The following ASPSCR1 variants were observed in gnomAD, a reference collection of about 807,000 sequenced individuals.
ASPSCR1 encodes ASPSCR1 tether for SLC2A4, UBX domain containing.
In ASPSCR1, 55 loss-of-function variants were observed where a neutral mutation model predicts 68.9. The observed-to-expected ratio is 0.80, with a 90% CI of 0.64 to 1.00. ASPSCR1 has a LOEUF of 1.00. Among genes scored for constraint, ASPSCR1 ranks in the 50% least tolerant of loss-of-function variants. The pLI is 0.00. For synonymous variants in ASPSCR1, 352 were observed against 332.6 expected (o/e 1.06, Z -0.63); for missense variants, 765 against 762.2 (o/e 1.00, Z -0.04).
rs886247178 is a variant in ASPSCR1 at position 81,996,968 on chromosome 17, G to A, written c.933+122G>A. ...GATGCGGGCAGAGGAACCCAAACGC[G>A]CAGAGGAACCCAAACGCGGGGCTCT... On this transcript the variant is annotated intron_variant, in intron 7 of 15. Transcript: ENST00000306739. 16 of 1,500,646 alleles carry A rather than the reference G, an allele frequency of 1.1e-5. No individual in the cohort carries two copies. The South Asian group carries it at 1.1e-4, about 10-fold the overall frequency. 93.0% of individuals were successfully genotyped at this position (1,500,646 alleles called of 1,614,324 possible). A position where few individuals can be genotyped will look rare whatever the true frequency, so the allele number is the denominator to read the frequency against.
intron 9 of ASPSCR1, 114 bp downstream of exon 9, chr17:82,009,681 G>T: frequency 1.2e-6 from 1 of 816,764 alleles, no homozygotes; most frequent in Non-Finnish European, 1.9e-6. Context: ...CCCCTGTGAG[G>T]TCTGTGGACA....
chr17:82,010,335 C>T (rs903375081), intron 9 of ASPSCR1, among the ~76,000 whole-genome samples: 21 of 151,382 alleles, frequency 1.4e-4, no homozygotes, highest in East Asian at 6.0e-4. Flanking sequence ...CGAGACCATC[C>T]TGGCTGACAC....
In ASPSCR1 at chr17:82,011,554, C is replaced by A; in HGVS notation, c.1249C>A (p.Arg417=). ...FRPSETVGDL[R]DFVRSHLGNP... Reference sequence around the variant, plus strand: ...TTTCTCCTCTGCAGTGGGGGACTTGCGAGACTTCGTGAGGAGCCACCTGGG... The same window carrying A: ...TTTCTCCTCTGCAGTGGGGGACTTGAGAGACTTCGTGAGGAGCCACCTGGG... Residue 417 remains arginine (R), a synonymous_variant, in exon 11 of 16, where the codon CGA becomes AGA. Transcript: ENST00000306739. The A allele has an allele frequency of 6.3e-7, 1 of 1,579,746 alleles. No individual in the cohort carries two copies. The highest frequency in any genetic ancestry group is 8.6e-7 in the Non-Finnish European group (1 of 1,169,558).
chr17:81,997,193 C>T (rs1050345957), intron 7 of ASPSCR1, among the ~76,000 whole-genome samples: 7 of 123,256 alleles, frequency 5.7e-5, no homozygotes, highest in African/African-American at 2.4e-4. Context: ...GTGTTGGCTC[C>T]GTGATGTGTG....
chr17:82,002,504 A>G lies in ASPSCR1; in HGVS notation c.933+5658A>G, dbSNP rs144352355. On this transcript the variant is annotated intron_variant, in intron 7 of 15. Transcript: ENST00000306739. ...TCCTGACCTCAGGTGATCCACTTGC[A>G]TCGGCCTCCCAAAGTGCTGGGATTA... Among the ~76,000 whole-genome samples the G allele has an allele frequency of 1.3e-3, 200 of 150,590 alleles. 1 individual carries two copies. The highest frequency in any genetic ancestry group is 2.6e-3 in the African/African-American group (105 of 40,904).
chr17:81,991,288 C>T lies in ASPSCR1; in HGVS notation c.375-3533C>T, dbSNP rs141442327. ...CCCGGCCCCTGGCTGGATCTCTTCCCAGGCCCCCAGCCCTCTGCTCCCAGC... is the reference window on the plus strand; with the variant it reads ...CCCGGCCCCTGGCTGGATCTCTTCCTAGGCCCCCAGCCCTCTGCTCCCAGC... On this transcript the variant is annotated intron_variant, in intron 4 of 15. Coordinates refer to ENST00000306739, the MANE Select transcript of ASPSCR1 (RefSeq NM_024083.4). Among the ~76,000 whole-genome samples the T allele has an allele frequency of 3.0e-4, 46 of 152,328 alleles. No individual in the cohort carries two copies. The East Asian group carries it at 7.9e-3, about 26-fold the overall frequency.
chr17:81,990,421 A>T lies in ASPSCR1; in HGVS notation c.375-4400A>T, dbSNP rs2042122493. Among the ~76,000 whole-genome samples, 1 of 151,948 alleles carries T rather than the reference A, an allele frequency of 6.6e-6. No homozygotes were observed. Among genetic ancestry groups the T allele is most frequent in the Admixed American group, 6.6e-5 (1 of 15,266 alleles). ...AGTCTGAAGGTTCTGCCCAGCACAG[A>T]GGGGTGTGAACAGCCACGCCGAGCT... On this transcript the variant is annotated intron_variant, in intron 4 of 15. Coordinates refer to ENST00000306739, the MANE Select transcript of ASPSCR1 (RefSeq NM_024083.4). This position sits in a 1 kb window ranked among gnomAD's most constrained non-coding sequence, Gnocchi z 4.1.
At chr17:81,991,294 C>T (rs879355045) in intron 4 of ASPSCR1, among the ~76,000 whole-genome samples, 19 of 152,328 alleles carry the variant, frequency 1.2e-4, no homozygotes, top group Admixed American at 1.2e-3. Flanking sequence ...TTCCCAGGCC[C>T]CCAGCCCTCT....
intron 7 of ASPSCR1, among the ~76,000 whole-genome samples, chr17:82,003,964 G>T (rs376604718): frequency 6.6e-6 from 1 of 152,270 alleles, no homozygotes; most frequent in East Asian, 1.9e-4. Context: ...CCCTGGCGGG[G>T]CAGGCCGGGC....
intron 7 of ASPSCR1, chr17:82,005,367 C>T (rs998530860): frequency 6.6e-6 from 1 of 152,336 alleles, no homozygotes; most frequent in East Asian, 1.9e-4. Flanking sequence ...TTCAGTTCCT[C>T]CTGCTGCAGC....
Position 81,990,466 on chromosome 17 carries a change from G to A in ASPSCR1, c.375-4355G>A, listed in dbSNP as rs1055974764. ...CGAGCTCTGGGGGACACTGCTCTCC[G>A]CCTGCCTGGTGGGCCTGTGTCTGAG... On this transcript the variant is annotated intron_variant, in intron 4 of 15. Coordinates refer to ENST00000306739, the MANE Select transcript of ASPSCR1 (RefSeq NM_024083.4). This position sits in a 1 kb window ranked among gnomAD's most constrained non-coding sequence, Gnocchi z 4.1. Among the ~76,000 whole-genome samples, 6 of 152,072 alleles carry A rather than the reference G, an allele frequency of 3.9e-5. No homozygotes were observed. The highest frequency in any genetic ancestry group is 1.9e-4 in the East Asian group (1 of 5,178).
chr17:82,009,193 T>C lies in ASPSCR1; in HGVS notation c.1088+2T>C, dbSNP rs771189046. The stretch of plus-strand genomic sequence containing the variant: ...CTTGGCCCAGCTCAAGAGTGAGCGG[T>C]GGGTGCCCCCTCAGTGCCTCCCGGC... On this transcript the variant is annotated splice_donor_variant, in intron 8 of 15. Coordinates refer to ENST00000306739, the MANE Select transcript of ASPSCR1 (RefSeq NM_024083.4). LOFTEE classifies it high-confidence loss of function. 1.9e-6 allele frequency: 3 copies of C among 1,602,858 alleles called. No homozygotes were observed. In the South Asian group the frequency reaches 3.3e-5, roughly 18 times the overall value.
intron 4 of ASPSCR1, among the ~76,000 whole-genome samples, chr17:81,985,938 C>T (rs2041980664): frequency 6.6e-6 from 1 of 152,126 alleles, no homozygotes; most frequent in African/African-American, 2.4e-5. Flanking sequence ...CAGGGCTCCC[C>T]ATGCTTGATT....
intron 4 of ASPSCR1, among the ~76,000 whole-genome samples, chr17:81,994,001 T>C (rs1332762488): frequency 6.6e-6 from 1 of 152,098 alleles, no homozygotes; most frequent in Non-Finnish European, 1.5e-5. Context: ...GGGCTTTTGT[T>C]TTTCTCAGTG....
chr17:81,995,992 G>A lies in ASPSCR1; in HGVS notation c.433G>A (p.Val145Met). ...TPVCVYTRDEVTGEAALRGTT... is the reference protein window; with the variant it reads ...TPVCVYTRDEMTGEAALRGTT... ...CCTGTCCTGGCTGCTCCTCCTGCAGGTGACGGGTGAAGCTGCCCTGCGGGG... is the reference window on the plus strand; with the variant it reads ...CCTGTCCTGGCTGCTCCTCCTGCAGATGACGGGTGAAGCTGCCCTGCGGGG... The change falls in exon 6 of 16, where the codon GTG becomes ATG. Residue 145 changes from valine to methionine, a missense_variant and splice_region_variant. Transcript: ENST00000306739. The A allele has an allele frequency of 1.2e-6, 2 of 1,609,576 alleles. No individual in the cohort carries two copies. Among genetic ancestry groups the A allele is most frequent in the Non-Finnish European group, 1.7e-6 (2 of 1,178,896 alleles).
chr17:81,994,827 C>T lies in ASPSCR1; in HGVS notation c.381C>T (p.Cys127=), dbSNP rs1242848279. ...LLSHFPQIRE[C]LQHPGGATPV... is the part of the protein sequence containing the mutation. Reference sequence around the variant, plus strand: ...TTCTTTCCTCTCCTCCCAGGGAGTGCCTGCAGCACCCCGGCGGGGCCACCC... The same window carrying T: ...TTCTTTCCTCTCCTCCCAGGGAGTGTCTGCAGCACCCCGGCGGGGCCACCC... The change falls in exon 5 of 16, where the codon TGC becomes TGT. Residue 127 remains cysteine, a synonymous_variant. Coordinates refer to ENST00000306739, the MANE Select transcript of ASPSCR1 (RefSeq NM_024083.4). 6.2e-7 allele frequency: 1 copy of T among 1,613,376 alleles called. No homozygotes were observed. The highest frequency in any genetic ancestry group is 1.3e-5 in the African/African-American group (1 of 75,068).
intron 11 of ASPSCR1, 92 bp from the exon 12 acceptor site, chr17:82,012,139 G>T (rs767142775): frequency 2.1e-6 from 3 of 1,431,246 alleles, no homozygotes; most frequent in South Asian, 1.2e-5. Context: ...CACTTGAGGC[G>T]TCACCCCCAT....
At chr17:82,000,053 T>C (rs1161513208) in intron 7 of ASPSCR1, among the ~76,000 whole-genome samples, 1 of 152,226 alleles carries the variant, frequency 6.6e-6, no homozygotes, top group Non-Finnish European at 1.5e-5. Context: ...CTGTGACACC[T>C]GAGTCCCCAT....
At chr17:81,985,813 G>GTTCT (rs2144011485) in intron 4 of ASPSCR1, among the ~76,000 whole-genome samples, 1 of 152,308 alleles carries the variant, frequency 6.6e-6, no homozygotes, top group South Asian at 2.1e-4. Flanking sequence ...ACAGCTCATC[G>GTTCT]TTCTGAGTTT....
Sources: allele counts gnomAD v4.1 joint callset (sites outside exome capture counted in the v4.1 genomes callset), GRCh38; gene constraint gnomAD v4.1.1; non-coding constraint Gnocchi (gnomAD v3.1); transcripts MANE v1.5; gene names NCBI Gene and HGNC (gene_info 2026-07-23, HGNC 2026-07-21).